The following KIF26B variants were observed in gnomAD, a reference collection of about 807,000 sequenced individuals.
The protein encoded by KIF26B is kinesin family member 26B, also known as kinesin-like protein KIF26B.
KIF26B carries 63 observed loss-of-function variants against 151.2 expected under a neutral mutation model. That is an observed-to-expected ratio of 0.42 (90% confidence interval 0.34 to 0.51). KIF26B has a LOEUF of 0.51. Ranked by LOEUF, KIF26B falls within the 20% of genes least tolerant of loss-of-function variation. KIF26B has a pLI of 0.07. For synonymous variants in KIF26B, 1,357 were observed against 1,262.1 expected, an observed-to-expected ratio of 1.08 and a Z score of -1.59; for missense variants, 2,813 against 2,913.6, an observed-to-expected ratio of 0.97 and a Z score of 0.79.
At chr1:245,427,398 C>A (rs141551282) in intron 4 of KIF26B, among the ~76,000 whole-genome samples, 1 of 152,162 alleles carries the variant, frequency 6.6e-6, no homozygotes, top group African/African-American at 2.4e-5. Context: ...CACCTGAGGT[C>A]GGGAGTTTGC....
At chr1:245,654,292 T>TA (rs2044050796) in intron 10 of KIF26B, among the ~76,000 whole-genome samples, 1 of 150,484 alleles carries the variant, frequency 6.6e-6, no homozygotes. Flanking sequence ...AAATACCAAG[T>TA]AAGAATGTAA....
At chr1:245,162,253 C>T (rs1473503774) in intron 2 of KIF26B, among the ~76,000 whole-genome samples, 1 of 152,160 alleles carries the variant, frequency 6.6e-6, no homozygotes, top group Non-Finnish European at 1.5e-5. Flanking sequence ...CAGTCACAAG[C>T]TATTCATCAG....
intron 4 of KIF26B, among the ~76,000 whole-genome samples, chr1:245,521,076 G>T (rs993487628): frequency 3.3e-5 from 5 of 152,086 alleles, no homozygotes; most frequent in Non-Finnish European, 1.5e-5. Flanking sequence ...GGTGGCTCAC[G>T]CCTGTAATCC....
rs2044543087 is a variant in KIF26B, at chr1:245,687,360, G to A, written c.4377G>A (p.Gly1459=). The A allele has an allele frequency of 6.3e-7, 1 of 1,593,346 alleles. No individual in the cohort carries two copies. Among genetic ancestry groups the A allele is most frequent in the Non-Finnish European group, 8.5e-7 (1 of 1,170,426 alleles). Reference sequence around the variant, plus strand: ...AGACGGCTCATCCCAATGAAGAAGGGATGATGAGGTGTGAGACTGCCACGG... The same window carrying A: ...AGACGGCTCATCCCAATGAAGAAGGAATGATGAGGTGTGAGACTGCCACGG... The part of the protein sequence containing the change: ...KKETAHPNEE[G]MMRCETATGP... Residue 1459 remains glycine, a synonymous_variant, in exon 12 of 15, where the codon GGG becomes GGA. Transcript: ENST00000407071. The surrounding 1 kb of genome is among the most constrained non-coding windows in gnomAD (Gnocchi z 4.9).
chr1:245,316,386 A>T lies in KIF26B; in HGVS notation c.466-50448A>T, dbSNP rs374445996. On this transcript the variant is annotated intron_variant, in intron 2 of 14. Coordinates refer to ENST00000407071, the MANE Select transcript of KIF26B (RefSeq NM_018012.4). ...TGATCCGCCTGCCTCGGTCTCCCAA[A>T]GTTCTGGGATTACAGGCATGAGCCA... Among the ~76,000 whole-genome samples the T allele has an allele frequency of 2.2e-4, 34 of 152,106 alleles. 1 individual carries two copies. In the East Asian group the frequency reaches 3.3e-3, roughly 15 times the overall value.
chr1:245,251,247 C>T (rs1670439373), intron 2 of KIF26B, among the ~76,000 whole-genome samples: 1 of 152,204 alleles, frequency 6.6e-6, no homozygotes, highest in Non-Finnish European at 1.5e-5. Flanking sequence ...TATTTAGGCA[C>T]AGTGAGTCAC....
rs2044861731 is a variant in KIF26B, at chr1:245,707,938, G to C, written c.*5332G>C. ...CCATCCAACCCCTAGTGCTACTGAA[G>C]AGGGTTTGGGAAAGCAATTGGAGTT... On this transcript the variant is annotated 3_prime_UTR_variant, in exon 15 of 15. Transcript: ENST00000407071. 1 of 152,252 alleles carries C rather than the reference G, an allele frequency of 6.6e-6. No individual in the cohort carries two copies. Among genetic ancestry groups the C allele is most frequent in the Non-Finnish European group, 1.5e-5 (1 of 68,050 alleles). The allele number at this position is 152,252 out of a possible 1,614,324, so 9.4% of individuals were successfully genotyped here.
rs114398982 is a variant in KIF26B, at chr1:245,601,881, A to T, written c.1351-696A>T. ...GGACGGGGCTGGGTTGGTGGTGGGT[A>T]CCAGAGGTGCTCAGTGTTCAATCAC... On this transcript the variant is annotated intron_variant, in intron 5 of 14. Transcript: ENST00000407071. The surrounding 1 kb of genome is among the most constrained non-coding windows in gnomAD (Gnocchi z 4.4). Among the ~76,000 whole-genome samples, 993 of 152,288 alleles carry T rather than the reference A, an allele frequency of 6.5e-3. 6 individuals are homozygous for T. The highest frequency in any genetic ancestry group is 0.022 in the African/African-American group (933 of 41,556).
chr1:245,359,874 C>CTTTTTTTTTTT (rs766845350), intron 2 of KIF26B, among the ~76,000 whole-genome samples: 1 of 139,608 alleles, frequency 7.2e-6, no homozygotes, highest in African/African-American at 2.8e-5. Flanking sequence ...TTCTTTCTTT[C>CTTTTTTTTTTT]TTTTTTTTTT....
chr1:245,517,087 C>T (rs781011205), intron 4 of KIF26B, among the ~76,000 whole-genome samples: 4 of 152,198 alleles, frequency 2.6e-5, no homozygotes, highest in Non-Finnish European at 5.9e-5. Flanking sequence ...GGGATGGGGC[C>T]GGGTGTGGTG....
rs1447387260 is a variant in KIF26B at position 245,155,359 on chromosome 1, G to C, written c.-66G>C. The C allele has an allele frequency of 1.5e-6, 2 of 1,358,588 alleles. No homozygotes were observed. The highest frequency in any genetic ancestry group is 2.9e-5 in the African/African-American group (2 of 69,432). The allele number at this position is 1,358,588 out of a possible 1,614,324, so 84.2% of individuals were successfully genotyped here. A position where few individuals can be genotyped will look rare whatever the true frequency, so the allele number is the denominator to read the frequency against. On this transcript the variant is annotated 5_prime_UTR_variant, in exon 1 of 15. Transcript: ENST00000407071. ...CCCCTGCAGCCGGGGGACGCTTCTG[G>C]GTTGGAGGACCTTCTGGATGTAGCG...
intron 4 of KIF26B, among the ~76,000 whole-genome samples, chr1:245,504,017 C>T (rs576740756): frequency 3.3e-5 from 5 of 152,308 alleles, no homozygotes; most frequent in African/African-American, 9.6e-5. Flanking sequence ...CTGCTTCGGT[C>T]GTTTTCGTAT....
At chr1:245,365,994 A>T (rs1241354331) in intron 2 of KIF26B, among the ~76,000 whole-genome samples, 2 of 152,220 alleles carry the variant, frequency 1.3e-5, no homozygotes, top group South Asian at 2.1e-4. Flanking sequence ...CTTCTGTTCC[A>T]GTGGTACTTA....
chr1:245,284,495 T>C (rs1302198443), intron 2 of KIF26B, among the ~76,000 whole-genome samples: 1 of 152,168 alleles, frequency 6.6e-6, no homozygotes, highest in Non-Finnish European at 1.5e-5. Flanking sequence ...CTTCATTTCA[T>C]TTATTGCACC....
chr1:245,369,936 G>T (rs566302024), intron 3 of KIF26B, among the ~76,000 whole-genome samples: 1 of 152,226 alleles, frequency 6.6e-6, no homozygotes, highest in African/African-American at 2.4e-5. Flanking sequence ...AACCTTGGAA[G>T]TAACCTTCTA....
chr1:245,695,216 G>C (rs1270370762), intron 12 of KIF26B, among the ~76,000 whole-genome samples: 1 of 152,160 alleles, frequency 6.6e-6, no homozygotes, highest in East Asian at 1.9e-4. Context: ...GGACCCTCGG[G>C]TCAGTCTTTC....
chr1:245,502,788 C>T (rs1660649647), intron 4 of KIF26B, among the ~76,000 whole-genome samples: 1 of 151,202 alleles, frequency 6.6e-6, no homozygotes, highest in African/African-American at 2.4e-5. Context: ...CAGTGGGTAC[C>T]AACTGTTTTG....
intron 4 of KIF26B, among the ~76,000 whole-genome samples, chr1:245,475,650 A>C (rs573661899): frequency 6.6e-6 from 1 of 152,034 alleles, no homozygotes; most frequent in African/African-American, 2.4e-5. Flanking sequence ...AAGATGCTTA[A>C]CATCATTAGT....
chr1:245,688,350 G>A lies in KIF26B; in HGVS notation c.5367G>A (p.Arg1789=), dbSNP rs1297134204. 10 of 1,577,950 alleles carry A rather than the reference G, an allele frequency of 6.3e-6. No individual in the cohort carries two copies. Among genetic ancestry groups the A allele is most frequent in the Non-Finnish European group, 8.5e-6 (10 of 1,170,568 alleles). ...HTPWSTQSLS[R]NRSSGLASKL... is the part of the protein sequence containing the mutation. The stretch of plus-strand genomic sequence containing the variant: ...CCTGGTCCACGCAGTCCCTCAGCAG[G>A]AACAGGAGCTCGGGCCTGGCCTCCA... The change falls in exon 12 of 15, where the codon AGG becomes AGA. Residue 1789 remains arginine, a synonymous_variant. Transcript: ENST00000407071.
Sources: allele counts gnomAD v4.1 joint callset (sites outside exome capture counted in the v4.1 genomes callset), GRCh38; gene constraint gnomAD v4.1.1; non-coding constraint Gnocchi (gnomAD v3.1); transcripts MANE v1.5; gene names NCBI Gene and HGNC (gene_info 2026-07-23, HGNC 2026-07-21).